PSMG2: variants seen among roughly 807,000 people sequenced by gnomAD.
PSMG2 encodes CD40 ligand-activated specific transcript 3.
A neutral mutation model predicts 31.5 loss-of-function variants in PSMG2; 21 were observed. That is an observed-to-expected ratio of 0.67 (90% CI 0.47 to 0.96). The LOEUF is 0.96. Ranked by LOEUF, PSMG2 falls within the 40% of genes least tolerant of loss-of-function variation. The pLI is 0.00. For missense variants in PSMG2, 318 were observed against 321.2 expected (o/e 0.99, Z 0.08); for synonymous variants, 120 against 110.4 (o/e 1.09, Z -0.54).
upstream of PSMG2, chr18:12,699,849 T>C (rs2145111653): frequency 6.3e-7 from 1 of 1,583,812 alleles, no homozygotes; most frequent in Non-Finnish European, 8.6e-7. Flanking sequence ...ATGTCGATTG[T>C]CTATCAAAAC....
chr18:12,698,898 G>GA (rs913607462), upstream of PSMG2: 1 of 1,047,350 alleles, frequency 9.5e-7, no homozygotes, highest in Non-Finnish European at 1.4e-6. Flanking sequence ...TCTCCTTACA[G>GA]AAAAAGTCAT....
At chr18:12,717,384 G>A (rs936564461) in intron 3 of PSMG2, among the ~76,000 whole-genome samples, 6 of 152,094 alleles carry the variant, frequency 3.9e-5, no homozygotes, top group African/African-American at 1.4e-4. Flanking sequence ...TTCATAAAGC[G>A]GGCTCCCCCT....
intron 2 of PSMG2, among the ~76,000 whole-genome samples, chr18:12,710,938 A>G (rs1240689382): frequency 6.6e-6 from 1 of 152,098 alleles, no homozygotes; most frequent in Admixed American, 6.6e-5. Context: ...TGTCTCTACT[A>G]AAATACAAAA....
intron 4 of PSMG2, 70 bp downstream of exon 4, chr18:12,718,705 T>A: frequency 8.3e-7 from 1 of 1,210,330 alleles, no homozygotes; most frequent in Non-Finnish European, 1.1e-6. Context: ...ATTAAAAAGT[T>A]AAACTTTAAA....
intron 1 of PSMG2, chr18:12,662,021 T>A (rs189901549): frequency 6.6e-5 from 18 of 273,356 alleles, no homozygotes; most frequent in Non-Finnish European, 1.2e-4. Flanking sequence ...TATATTTACT[T>A]CTTATTCTTG....
intron 1 of PSMG2, among the ~76,000 whole-genome samples, chr18:12,682,391 G>C (rs1249685323): frequency 6.6e-6 from 1 of 152,080 alleles, no homozygotes; most frequent in Non-Finnish European, 1.5e-5. Flanking sequence ...GTTTCACCAA[G>C]TTGCCCTGGC....
At chr18:12,670,001 A>AAAAAAGAAAAG (rs1241896829) in intron 1 of PSMG2, among the ~76,000 whole-genome samples, 1 of 150,988 alleles carries the variant, frequency 6.6e-6, no homozygotes, top group African/African-American at 2.4e-5. Context: ...GTCTCAAAAA[A>AAAAAAGAAAAG]AAAAAGAAAA....
chr18:12,718,414 T>C, intron 3 of PSMG2, 103 bp from the exon 4 acceptor site: 1 of 552,722 alleles, frequency 1.8e-6, no homozygotes, highest in Non-Finnish European at 3.0e-6. Flanking sequence ...ATATAAATTA[T>C]ATATCATTAT....
rs546621762 is a variant in PSMG2, at chr18:12,717,613, C to T, written c.289-904C>T. On this transcript the variant is annotated intron_variant, in intron 3 of 6. Transcript: ENST00000317615. ...ATTTAATGAATTTATTCAGGAGTAT[C>T]ATCCAACATACTCAAATTTCCACAG... Among the ~76,000 whole-genome samples the T allele has an allele frequency of 2.5e-3, 380 of 152,348 alleles. 1 individual carries two copies. Among genetic ancestry groups the T allele is most frequent in the African/African-American group, 8.8e-3 (366 of 41,580 alleles).
upstream of PSMG2, among the ~76,000 whole-genome samples, chr18:12,702,244 G>T (rs2040181701): frequency 1.3e-5 from 2 of 152,174 alleles, no homozygotes. Context: ...GTCCTAAAAC[G>T]CCAAGACCGC....
At chr18:12,701,667 C>G (rs1254811510), upstream of PSMG2, among the ~76,000 whole-genome samples, 1 of 151,854 alleles carries the variant, frequency 6.6e-6, no homozygotes, top group Non-Finnish European at 1.5e-5. Flanking sequence ...ATCTTGCACT[C>G]AGTCGAGCGA....
chr18:12,683,310 A>C (rs2145030645), intron 1 of PSMG2, among the ~76,000 whole-genome samples: 1 of 150,682 alleles, frequency 6.6e-6, no homozygotes, highest in East Asian at 2.0e-4. Context: ...CGAGATCGTG[A>C]CACTGCACTC....
At chr18:12,693,545 G>A (rs2039842398) in intron 1 of PSMG2, among the ~76,000 whole-genome samples, 2 of 152,110 alleles carry the variant, frequency 1.3e-5, no homozygotes, top group South Asian at 2.1e-4. Flanking sequence ...ACCACTTTGG[G>A]AGGCCGAGGC....
chr18:12,705,814 T>G (rs936435273), intron 1 of PSMG2, among the ~76,000 whole-genome samples: 2 of 152,168 alleles, frequency 1.3e-5, no homozygotes, highest in African/African-American at 4.8e-5. Context: ...AGGGTGAGTC[T>G]TTCCTCGAAC....
upstream of PSMG2, chr18:12,698,854 G>A: frequency 1.5e-6 from 1 of 683,244 alleles, no homozygotes; most frequent in South Asian, 2.1e-5. Flanking sequence ...AAAGAGCAGT[G>A]GGAAACAAAA....
Position 12,697,427 on chromosome 18 carries a change from C to A in PSMG2, c.-36-9123C>A. 3 of 1,535,114 alleles carry A rather than the reference C, an allele frequency of 2.0e-6. No individual in the cohort carries two copies. In the South Asian group the frequency reaches 3.6e-5, roughly 18 times the overall value. On this transcript the variant is annotated intron_variant, in intron 1 of 6. Coordinates refer to the PSMG2 transcript ENST00000585331. ...CCATCACCTAGCAATATAATCCAAA[C>A]GAAATTATACCACACTACATATTCA...
At chr18:12,693,483 T>C (rs2039839827) in intron 1 of PSMG2, among the ~76,000 whole-genome samples, 1 of 151,940 alleles carries the variant, frequency 6.6e-6, no homozygotes, top group Admixed American at 6.6e-5. Flanking sequence ...GCCCAAACAT[T>C]TACTTTATAT....
intron 5 of PSMG2, among the ~76,000 whole-genome samples, chr18:12,722,510 C>T (rs1348076303): frequency 6.6e-6 from 1 of 152,088 alleles, no homozygotes; most frequent in African/African-American, 2.4e-5. Flanking sequence ...GGTCTGTCTT[C>T]TTGGGTATAG....
chr18:12,689,460 T>C lies in PSMG2; in HGVS notation c.-36-17090T>C, dbSNP rs554924517. ...AGACTGTTCACTTCTCTAACCTTCA[T>C]ACTGTTTACAAAAAGAGCCAATGCC... On this transcript the variant is annotated intron_variant, in intron 1 of 6. Transcript: ENST00000585331. Among the ~76,000 whole-genome samples the C allele has an allele frequency of 7.2e-5, 11 of 152,326 alleles. No homozygotes were observed. In the East Asian group the frequency reaches 1.5e-3, roughly 21 times the overall value.
Sources: allele counts gnomAD v4.1 joint callset (sites outside exome capture counted in the v4.1 genomes callset), GRCh38; gene constraint gnomAD v4.1.1; transcripts MANE v1.5; gene names NCBI Gene and HGNC (gene_info 2026-07-23, HGNC 2026-07-21).